The following BST1 variants were observed in gnomAD, a reference collection of about 807,000 sequenced individuals.
BST1 encodes the protein bone marrow stromal cell antigen 1.
In BST1, 49 loss-of-function variants were observed where a neutral mutation model predicts 40.6. The ratio of observed to expected loss-of-function variants is 1.21; its 90% CI spans 0.96 to 1.53. The LOEUF is 1.53. BST1 is among the 40% of genes most tolerant of loss of function. The pLI is 0.00. For missense variants in BST1, 423 were observed against 395.9 expected (o/e 1.07, Z -0.58); for synonymous variants, 157 against 159.3 (o/e 0.99, Z 0.11).
chr4:15,728,643 C>CCTTT (rs1721236229), intron 8 of BST1, among the ~76,000 whole-genome samples: 1 of 119,804 alleles, frequency 8.3e-6, no homozygotes. Flanking sequence ...TCCTTCCTTC[C>CCTTT]TTTTTTTTTT....
chr4:15,740,572 G>C (rs2148901408), downstream of BST1, among the ~76,000 whole-genome samples: 1 of 152,210 alleles, frequency 6.6e-6, no homozygotes, highest in African/African-American at 2.4e-5. Flanking sequence ...TTCAGGTAGG[G>C]AGACTAATCT....
downstream of BST1, among the ~76,000 whole-genome samples, chr4:15,733,017 T>G (rs534609318): frequency 1.3e-5 from 2 of 152,184 alleles, no homozygotes; most frequent in Admixed American, 6.5e-5. Flanking sequence ...GTTACAGCTA[T>G]TAAAGGTAGT....
At chr4:15,710,301 T>G (rs1174057050) in intron 3 of BST1, among the ~76,000 whole-genome samples, 1 of 152,262 alleles carries the variant, frequency 6.6e-6, no homozygotes, top group Admixed American at 6.5e-5. Flanking sequence ...TTTAATTTTA[T>G]TTTTGATTTA....
At chr4:15,744,764 A>G in the BST1 span, among the ~76,000 whole-genome samples, 86 of 152,216 alleles carry the variant, frequency 5.6e-4, no homozygotes, top group Non-Finnish European at 6.5e-4. Flanking sequence ...ATTTTGTTGC[A>G]AGCCACTTGT....
the BST1 span, among the ~76,000 whole-genome samples, chr4:15,757,393 T>C: frequency 6.6e-6 from 1 of 152,276 alleles, no homozygotes; most frequent in Admixed American, 6.5e-5. Context: ...AACTGCAGTG[T>C]ATTTTTTTGG....
chr4:15,747,543 C>A, the BST1 span, among the ~76,000 whole-genome samples: 1 of 152,188 alleles, frequency 6.6e-6, no homozygotes, highest in Admixed American at 6.5e-5. Context: ...TTAATGAAGA[C>A]TGTCTTCTTG....
At chr4:15,703,591 GTAGAGGTGAGGGGTGTGTGCGTGTGTTC>G (rs1719672815) in intron 1 of BST1, among the ~76,000 whole-genome samples, 1 of 147,224 alleles carries the variant, frequency 6.8e-6, no homozygotes, top group African/African-American at 2.5e-5. Flanking sequence ...CACACACACT[GTAGAGGTGAGGGGTGTGTGCGTGTGTTC>G]TAGAGGTGAG....
At chr4:15,754,480 C>T in the BST1 span, among the ~76,000 whole-genome samples, 277 of 152,308 alleles carry the variant, frequency 1.8e-3, no homozygotes, top group Non-Finnish European at 3.0e-3. Context: ...TGGCTGTGAA[C>T]TCAGTGCCCC....
At chr4:15,760,314 T>C in the BST1 span, among the ~76,000 whole-genome samples, 71 of 151,964 alleles carry the variant, frequency 4.7e-4, no homozygotes, top group Non-Finnish European at 6.0e-4. Flanking sequence ...TCACATTTTG[T>C]TTATCCATTC....
At chr4:15,722,963 C>T (rs1194455425) in intron 8 of BST1, 29 bp downstream of exon 8, 1 of 1,602,768 alleles carries the variant, frequency 6.2e-7, no homozygotes, top group Non-Finnish European at 8.5e-7. Context: ...CCAAATCGTT[C>T]TTTCCAAAGA....
chr4:15,715,061 G>A (rs1720430864), intron 4 of BST1, among the ~76,000 whole-genome samples: 1 of 152,100 alleles, frequency 6.6e-6, no homozygotes, highest in South Asian at 2.1e-4. Context: ...ATCTTCTTAG[G>A]GTAGATTCCC....
the BST1 span, among the ~76,000 whole-genome samples, chr4:15,770,815 A>T: frequency 6.6e-6 from 1 of 152,252 alleles, no homozygotes; most frequent in African/African-American, 2.4e-5. Context: ...GGGGCCAGAC[A>T]TTCAGCTCTG....
At chr4:15,768,655 G>A in the BST1 span, among the ~76,000 whole-genome samples, 3 of 151,942 alleles carry the variant, frequency 2.0e-5, no homozygotes, top group Non-Finnish European at 2.9e-5. Flanking sequence ...CACCGCGCCC[G>A]GCTAATTTTT....
chr4:15,707,752 C>A, intron 3 of BST1, 106 bp downstream of exon 3: 2 of 1,376,294 alleles, frequency 1.5e-6, no homozygotes, highest in Non-Finnish European at 2.0e-6. Context: ...TGATCCTCTC[C>A]AAGTCCTCTG....
Position 15,707,507 on chromosome 4 carries a change from T to C in BST1, c.316-4T>C. 1 of 1,613,494 alleles carries C rather than the reference T, an allele frequency of 6.2e-7. No homozygotes were observed. Among genetic ancestry groups the C allele is most frequent in the Non-Finnish European group, 8.5e-7 (1 of 1,179,628 alleles). On this transcript the variant is annotated splice_polypyrimidine_tract_variant and splice_region_variant and intron_variant, in intron 2 of 8. Coordinates refer to ENST00000265016, the MANE Select transcript of BST1 (RefSeq NM_004334.3). ...ATTTTGATGTTTTGTTTGTCTTTCC[T>C]TAGTCCCTGTTCTGGGAAAATAGCC...
chr4:15,734,129 C>T (rs983209794), downstream of BST1, among the ~76,000 whole-genome samples: 3 of 152,116 alleles, frequency 2.0e-5, no homozygotes, highest in Admixed American at 6.5e-5. Flanking sequence ...ATGACATCCT[C>T]GAGAAGGCAG....
chr4:15,703,074 C>T lies in BST1; in HGVS notation c.-71C>T. The T allele has an allele frequency of 6.7e-7, 1 of 1,481,704 alleles. No homozygotes were observed. Among genetic ancestry groups the T allele is most frequent in the Admixed American group, 2.4e-5 (1 of 41,594 alleles). The allele number at this position is 1,481,704 out of a possible 1,614,324, so 91.8% of individuals were successfully genotyped here. A position where few individuals can be genotyped will look rare whatever the true frequency, so the allele number is the denominator to read the frequency against. On this transcript the variant is annotated 5_prime_UTR_variant, in exon 1 of 9. Transcript: ENST00000265016. ...GAGAGTCCCGCCCTGCATCAGTTTG[C>T]GGAACCGCCTTGGTAGAAGGAGAGA...
chr4:15,740,730 T>C (rs888993680), downstream of BST1, among the ~76,000 whole-genome samples: 4 of 152,078 alleles, frequency 2.6e-5, no homozygotes, highest in Admixed American at 6.5e-5. Flanking sequence ...TCTTATATGT[T>C]GGTGAAGAAG....
intron 8 of BST1, among the ~76,000 whole-genome samples, chr4:15,727,625 A>G (rs1045624235): frequency 6.6e-6 from 1 of 152,216 alleles, no homozygotes; most frequent in African/African-American, 2.4e-5. Context: ...AATGTTTTAG[A>G]GATGTTATTC....
Sources: gnomAD v4.1 joint callset for allele counts (sites outside exome capture counted in the v4.1 genomes callset) on GRCh38, gnomAD v4.1.1 for gene constraint, MANE v1.5 for transcripts, NCBI Gene and HGNC (gene_info 2026-07-23, HGNC 2026-07-21) for gene names.